The following ATXN10 variants were observed in gnomAD, a reference collection of about 807,000 sequenced individuals.
ATXN10 encodes ataxin-10.
A neutral mutation model predicts 52.9 loss-of-function variants in ATXN10; 28 were observed. The ratio of observed to expected loss-of-function variants is 0.53; its 90% CI spans 0.39 to 0.73. The LOEUF (loss-of-function observed/expected upper bound fraction) is 0.73, where lower values mean the gene tolerates loss of function less well. ATXN10 is among the 30% of genes least tolerant of loss of function. The pLI, the probability that ATXN10 is intolerant of heterozygous loss-of-function variation, is 0.00. For missense variants in ATXN10, 565 were observed against 577.0 expected (o/e 0.98, Z 0.21); for synonymous variants, 226 against 221.5 (o/e 1.02, Z -0.18).
intron 7 of ATXN10, chr22:45,729,823 A>G: frequency 1.8e-6 from 1 of 562,252 alleles, no homozygotes; most frequent in Non-Finnish European, 3.3e-6. Flanking sequence ...GACAGATGAC[A>G]TCAGATACAT....
At position 45,700,338 on chromosome 22, in the gene ATXN10, C is replaced by G. The variant is rs746424807; in HGVS notation, c.448C>G (p.Gln150Glu). 6.2e-7 allele frequency: 1 copy of G among 1,614,026 alleles called. No homozygotes were observed. Among genetic ancestry groups the G allele is most frequent in the Admixed American group, 1.7e-5 (1 of 60,018 alleles). ...GNIASRNEDS[Q>E]SIVWVHAFPE... ...CATTGCCTCACGGAATGAAGATTCC[C>G]AGTCTATTGTTTGGGTGCATGCTTT... Residue 150 changes from glutamine (Q) to glutamate (E), a missense_variant, in exon 4 of 12, where the codon CAG (glutamine) becomes GAG (glutamate). Physicochemically the swap from Gln to Glu is conservative, Grantham distance 29. Transcript: ENST00000252934.
At chr22:45,771,868 C>T (rs1048052182) in intron 9 of ATXN10, among the ~76,000 whole-genome samples, 2 of 152,216 alleles carry the variant, frequency 1.3e-5, no homozygotes, top group Admixed American at 6.5e-5. Context: ...AAGCCATCCT[C>T]CTGCTTTGGC....
intron 7 of ATXN10, 52 bp downstream of exon 7, chr22:45,729,642 C>G: frequency 6.3e-7 from 1 of 1,588,494 alleles, no homozygotes; most frequent in Non-Finnish European, 8.6e-7. Context: ...GACAGATTTT[C>G]TAACTCAGCC....
rs1454381164 is a variant in ATXN10 at position 45,786,298 on chromosome 22, C to T, written c.1174-20661C>T. Among the ~76,000 whole-genome samples the T allele has an allele frequency of 6.6e-6, 1 of 152,238 alleles. No homozygotes were observed. The highest frequency in any genetic ancestry group is 1.5e-5 in the Non-Finnish European group (1 of 68,048). ...ACAAAAGCTTGGAGAATGCTACTCA[C>T]TACTTTACCCTATTGAGTTTTGCCA... On this transcript the variant is annotated intron_variant, in intron 9 of 11. Coordinates refer to ENST00000252934, the MANE Select transcript of ATXN10 (RefSeq NM_013236.4). The surrounding 1 kb of genome is among the most constrained non-coding windows in gnomAD (Gnocchi z 4.1).
chr22:45,675,677 C>T lies in ATXN10; in HGVS notation c.116+3498C>T, dbSNP rs181091870. 3.3e-5 allele frequency: 5 copies of T among 152,356 alleles called. No homozygotes were observed. The East Asian group carries it at 9.6e-4, about 29-fold the overall frequency. 9.4% of individuals were successfully genotyped at this position (152,356 alleles called of 1,614,324 possible). ...ACATCCTCAGCCACGTGTGCAACCT[C>T]ATGAGACACCCTAAGCCTCTCAGAT... On this transcript the variant is annotated intron_variant, in intron 1 of 11. Transcript: ENST00000252934.
In ATXN10 at chr22:45,712,345, G is replaced by A. The variant is rs2071506677; in HGVS notation, c.648-6068G>A. Among the ~76,000 whole-genome samples, 1 of 152,346 alleles carries A rather than the reference G, an allele frequency of 6.6e-6. No homozygotes were observed. Among genetic ancestry groups the A allele is most frequent in the South Asian group, 2.1e-4 (1 of 4,828 alleles). Reference sequence around the variant, plus strand: ...TCCACAAGGACTGTCAGTGTTTGGCGAATGCATGTCCTTTTCATTATCTGC... The same window carrying A: ...TCCACAAGGACTGTCAGTGTTTGGCAAATGCATGTCCTTTTCATTATCTGC... On this transcript the variant is annotated intron_variant, in intron 5 of 11. Transcript: ENST00000252934. This position sits in a 1 kb window ranked among gnomAD's most constrained non-coding sequence, Gnocchi z 4.6.
At chr22:45,748,494 T>C (rs1569048105) in intron 9 of ATXN10, among the ~76,000 whole-genome samples, 1 of 152,242 alleles carries the variant, frequency 6.6e-6, no homozygotes, top group Non-Finnish European at 1.5e-5. Context: ...ATTCTTGTCA[T>C]AAATGTTTTC....
chr22:45,828,043 G>A lies in ATXN10; in HGVS notation c.1238-14948G>A, dbSNP rs976075552. Among the ~76,000 whole-genome samples the A allele has an allele frequency of 2.6e-5, 4 of 152,038 alleles. No homozygotes were observed. The highest frequency in any genetic ancestry group is 9.7e-5 in the African/African-American group (4 of 41,406). ...CAGTAGATCAAAGAAGAAATCACAA[G>A]GGAAATTAGAAAATACTTAGAGGTC... On this transcript the variant is annotated intron_variant, in intron 10 of 11. Transcript: ENST00000252934. This position sits in a 1 kb window ranked among gnomAD's most constrained non-coding sequence, Gnocchi z 4.5.
rs1337655304 is a variant in ATXN10 at position 45,690,230 on chromosome 22, A to G, written c.308+327A>G. The stretch of plus-strand genomic sequence containing the variant: ...GAGGCAGAGGTTGCAGTAATCTGAG[A>G]TGATGCCATTGCTGCAGGCTGGGCC... On this transcript the variant is annotated intron_variant, in intron 2 of 11. Coordinates refer to ENST00000252934, the MANE Select transcript of ATXN10 (RefSeq NM_013236.4). This position sits in a 1 kb window ranked among gnomAD's most constrained non-coding sequence, Gnocchi z 4.5. 6.6e-6 allele frequency among the ~76,000 whole-genome samples: 1 copy of G among 151,578 alleles called. No homozygotes were observed. The highest frequency in any genetic ancestry group is 2.4e-5 in the African/African-American group (1 of 41,244).
At chr22:45,832,148 GCTT>G (rs1601674942) in intron 10 of ATXN10, among the ~76,000 whole-genome samples, 1 of 152,334 alleles carries the variant, frequency 6.6e-6, no homozygotes, top group East Asian at 1.9e-4. Context: ...GCCCACAAGA[GCTT>G]CTTAATTTTT....
In ATXN10 at chr22:45,696,322, A is replaced by G. The variant is rs1235080348; in HGVS notation, c.391+3244A>G. Among the ~76,000 whole-genome samples, 1 of 152,212 alleles carries G rather than the reference A, an allele frequency of 6.6e-6. No homozygotes were observed. Among genetic ancestry groups the G allele is most frequent in the Non-Finnish European group, 1.5e-5 (1 of 68,046 alleles). ...GTGTGGTATAGTAATTGAGAAAGAA[A>G]GTTGAGAATGTACTGTGTTTTATAA... On this transcript the variant is annotated intron_variant, in intron 3 of 11. Transcript: ENST00000252934. The surrounding 1 kb of genome is among the most constrained non-coding windows in gnomAD (Gnocchi z 4.7).
chr22:45,678,188 A>G lies in ATXN10; in HGVS notation c.116+6009A>G, dbSNP rs1922776731. 1 of 152,212 alleles carries G rather than the reference A, an allele frequency of 6.6e-6. No homozygotes were observed. The highest frequency in any genetic ancestry group is 6.5e-5 in the Admixed American group (1 of 15,290). 9.4% of individuals were successfully genotyped at this position (152,212 alleles called of 1,614,324 possible). A position where few individuals can be genotyped will look rare whatever the true frequency, so the allele number is the denominator to read the frequency against. The stretch of plus-strand genomic sequence containing the variant: ...CAACATTGTGAATATAATTAAAGCC[A>G]TTGAACTGTAGACTTAAAATGAACA... On this transcript the variant is annotated intron_variant, in intron 1 of 11. Transcript: ENST00000252934. The surrounding 1 kb of genome is among the most constrained non-coding windows in gnomAD (Gnocchi z 4.1).
At chr22:45,746,744 A>T (rs1476444146) in intron 9 of ATXN10, among the ~76,000 whole-genome samples, 1 of 152,028 alleles carries the variant, frequency 6.6e-6, no homozygotes, top group East Asian at 1.9e-4. Context: ...GTGCAGAAAC[A>T]CTTTCTCTTC....
At position 45,783,184 on chromosome 22, in the gene ATXN10, A is replaced by T. The variant is rs1221425607; in HGVS notation, c.1174-23775A>T. Reference sequence around the variant, plus strand: ...GTTAAGTAAGATAAGGGTTCCATGAACACGAGCACTGTGATACCATGGCAG... The same window carrying T: ...GTTAAGTAAGATAAGGGTTCCATGATCACGAGCACTGTGATACCATGGCAG... On this transcript the variant is annotated intron_variant, in intron 9 of 11. Coordinates refer to ENST00000252934, the MANE Select transcript of ATXN10 (RefSeq NM_013236.4). This position sits in a 1 kb window ranked among gnomAD's most constrained non-coding sequence, Gnocchi z 5.0. Among the ~76,000 whole-genome samples the T allele has an allele frequency of 6.6e-6, 1 of 152,172 alleles. No individual in the cohort carries two copies. The highest frequency in any genetic ancestry group is 1.5e-5 in the Non-Finnish European group (1 of 68,024).
At chr22:45,731,972 C>A (rs1225727622) in intron 7 of ATXN10, among the ~76,000 whole-genome samples, 1 of 152,152 alleles carries the variant, frequency 6.6e-6, no homozygotes, top group Non-Finnish European at 1.5e-5. Flanking sequence ...TTTAAAAATT[C>A]TCTAAGAGAC....
rs1265545704 is a variant in ATXN10, at chr22:45,678,176, ATAAT to A, written c.116+6001_116+6004del. 6.6e-6 allele frequency: 1 copy of A among 152,200 alleles called. No individual in the cohort carries two copies. Among genetic ancestry groups the A allele is most frequent in the Non-Finnish European group, 1.5e-5 (1 of 68,042 alleles). The allele number at this position is 152,200 out of a possible 1,614,324, so 9.4% of individuals were successfully genotyped here. ...GTGATAGTTGTACAACATTGTGAAT[ATAAT>A]TAAAGCCATTGAACTGTAGACTTAA... On this transcript the variant is annotated intron_variant, in intron 1 of 11. Transcript: ENST00000252934. This position sits in a 1 kb window ranked among gnomAD's most constrained non-coding sequence, Gnocchi z 4.1.
intron 8 of ATXN10, among the ~76,000 whole-genome samples, chr22:45,739,176 A>G (rs1267031460): frequency 6.6e-6 from 1 of 152,184 alleles, no homozygotes; most frequent in Non-Finnish European, 1.5e-5. Flanking sequence ...TTGTGGTTTT[A>G]TATTACTATA....
chr22:45,827,002 T>C (rs537370328), intron 10 of ATXN10, among the ~76,000 whole-genome samples: 91 of 152,248 alleles, frequency 6.0e-4, no homozygotes, highest in Non-Finnish European at 1.2e-3. Context: ...ATTTTTTTTA[T>C]GTTAACCGAA....
In ATXN10 at chr22:45,786,519, C is replaced by T. The variant is rs1380662715; in HGVS notation, c.1174-20440C>T. 6.6e-6 allele frequency among the ~76,000 whole-genome samples: 1 copy of T among 152,224 alleles called. No homozygotes were observed. Among genetic ancestry groups the T allele is most frequent in the African/African-American group, 2.4e-5 (1 of 41,454 alleles). ...TGCAGCCCGCACTTTATCACCCTTC[C>T]TGCCAGGGCATTGCTCCCTGGTCGG... On this transcript the variant is annotated intron_variant, in intron 9 of 11. Transcript: ENST00000252934. The surrounding 1 kb of genome is among the most constrained non-coding windows in gnomAD (Gnocchi z 4.1).
Sources: allele counts gnomAD v4.1 joint callset (sites outside exome capture counted in the v4.1 genomes callset), GRCh38; gene constraint gnomAD v4.1.1; non-coding constraint Gnocchi (gnomAD v3.1); transcripts MANE v1.5; gene names NCBI Gene and HGNC (gene_info 2026-07-23, HGNC 2026-07-21).